The following DHX9 variants were observed in gnomAD, a reference collection of about 807,000 sequenced individuals.
DHX9 encodes the protein ATP-dependent RNA helicase A.
In DHX9, 27 loss-of-function variants were observed where a neutral mutation model predicts 148.7. The ratio of observed to expected loss-of-function variants is 0.18; its 90% CI spans 0.13 to 0.25. DHX9 has a LOEUF of 0.25. Ranked by LOEUF, DHX9 falls within the 10% of genes least tolerant of loss-of-function variation. The pLI is 1.00. For synonymous variants in DHX9, 529 were observed against 516.6 expected, an observed-to-expected ratio of 1.02 and a Z score of -0.33; for missense variants, 796 against 1,559.6, an observed-to-expected ratio of 0.51 and a Z score of 8.25.
intron 16 of DHX9, among the ~76,000 whole-genome samples, chr1:182,875,818 T>A (rs1487909944): frequency 6.6e-6 from 1 of 152,210 alleles, no homozygotes; most frequent in African/African-American, 2.4e-5. Flanking sequence ...AAGTTTGTGT[T>A]TGAATTTTAG....
intron 12 of DHX9, among the ~76,000 whole-genome samples, chr1:182,863,363 T>C (rs1648075215): frequency 6.6e-6 from 1 of 152,222 alleles, no homozygotes; most frequent in South Asian, 2.1e-4. Context: ...AAGATTTTAC[T>C]AGTATTCTGA....
chr1:182,843,514 T>C, intron 3 of DHX9, 80 bp downstream of exon 3: 1 of 1,295,228 alleles, frequency 7.7e-7, no homozygotes, highest in Non-Finnish European at 1.0e-6. Context: ...CTCAAGATAG[T>C]AATTTTTCAC....
intron 1 of DHX9, 144 bp downstream of exon 1, chr1:182,839,600 G>T (rs1039507433): frequency 6.6e-6 from 1 of 152,218 alleles, no homozygotes; most frequent in Non-Finnish European, 1.5e-5. Flanking sequence ...CCGCCCGCGG[G>T]TCCCCGGATT....
In DHX9 at chr1:182,850,158, T is replaced by G. The variant is rs369081499; in HGVS notation, c.253-2075T>G. 2.6e-5 allele frequency among the ~76,000 whole-genome samples: 4 copies of G among 152,094 alleles called. No individual in the cohort carries two copies. In the South Asian group the frequency reaches 6.2e-4, roughly 24 times the overall value. On this transcript the variant is annotated intron_variant, in intron 3 of 27. Coordinates refer to ENST00000367549, the MANE Select transcript of DHX9 (RefSeq NM_001357.5). Reference sequence around the variant, plus strand: ...TTGGTAGAGTGTGGAACCATATCCTTAAGTATTAAGTATTCATACATAATA... The same window carrying G: ...TTGGTAGAGTGTGGAACCATATCCTGAAGTATTAAGTATTCATACATAATA...
In DHX9 at chr1:182,842,551, A is replaced by G. The variant is rs1667952006; in HGVS notation, c.-16A>G. 12 of 1,596,576 alleles carry G rather than the reference A, an allele frequency of 7.5e-6. No homozygotes were observed. The highest frequency in any genetic ancestry group is 1.0e-5 in the Non-Finnish European group (12 of 1,166,780). ...CTGACTTTTGTTTTCTTAGATCTGA[A>G]GAAGACACTTGAATCATGGGTGACG... On this transcript the variant is annotated 5_prime_UTR_variant, in exon 2 of 28. Coordinates refer to ENST00000367549, the MANE Select transcript of DHX9 (RefSeq NM_001357.5).
chr1:182,884,175 G>A (rs1312846194), intron 26 of DHX9, among the ~76,000 whole-genome samples: 1 of 152,138 alleles, frequency 6.6e-6, no homozygotes, highest in African/African-American at 2.4e-5. Flanking sequence ...TCTGGAGGCT[G>A]AGGCAGGAGA....
intron 3 of DHX9, among the ~76,000 whole-genome samples, chr1:182,848,736 A>G (rs113007604): frequency 9.2e-5 from 14 of 152,354 alleles, no homozygotes; most frequent in African/African-American, 2.6e-4. Flanking sequence ...TTGGCTCACA[A>G]TTATGCAGGC....
chr1:182,848,708 TAAAGA>T (rs972636293), intron 3 of DHX9, among the ~76,000 whole-genome samples: 6 of 152,188 alleles, frequency 3.9e-5, no homozygotes, highest in Non-Finnish European at 7.3e-5. Flanking sequence ...GCATAATTTA[TAAAGA>T]AAAGAGATTT....
intron 3 of DHX9, among the ~76,000 whole-genome samples, chr1:182,850,067 C>G (rs1458641689): frequency 6.9e-6 from 1 of 145,170 alleles, no homozygotes; most frequent in East Asian, 2.2e-4. Context: ...TCTGTCTTCT[C>G]TGGCACTGGA....
At chr1:182,861,871 C>T (rs1668369521) in intron 12 of DHX9, among the ~76,000 whole-genome samples, 1 of 152,126 alleles carries the variant, frequency 6.6e-6, no homozygotes, top group South Asian at 2.1e-4. Context: ...ATTTTAAAAA[C>T]CTATATTGTG....
intron 3 of DHX9, among the ~76,000 whole-genome samples, chr1:182,851,242 T>C (rs1192563518): frequency 6.6e-6 from 1 of 152,126 alleles, no homozygotes; most frequent in Non-Finnish European, 1.5e-5. Context: ...TGTTGCTATA[T>C]ATATTGGCAG....
At chr1:182,876,948 T>C in intron 19 of DHX9, 45 bp downstream of exon 19, 1 of 1,412,880 alleles carries the variant, frequency 7.1e-7, no homozygotes. Context: ...TGTTACTAAC[T>C]GGAAACTTCT....
chr1:182,866,238 A>G (rs1387333386), intron 12 of DHX9, among the ~76,000 whole-genome samples: 1 of 152,194 alleles, frequency 6.6e-6, no homozygotes, highest in African/African-American at 2.4e-5. Context: ...GGCAATGACA[A>G]ATTATAGAAT....
At chr1:182,851,763 G>A (rs189398458) in intron 3 of DHX9, among the ~76,000 whole-genome samples, 220 of 152,238 alleles carry the variant, frequency 1.4e-3, no homozygotes, top group Admixed American at 3.7e-3. Context: ...TAGTACTAAT[G>A]ATCTTATAAG....
chr1:182,866,427 C>CT lies in DHX9; in HGVS notation c.1333-10dup, dbSNP rs756473582. On this transcript the variant is annotated splice_polypyrimidine_tract_variant and intron_variant, in intron 12 of 27. Coordinates refer to ENST00000367549, the MANE Select transcript of DHX9 (RefSeq NM_001357.5). ...ACTTTGTAGTTGTTAAGTCACTTTT[C>CT]TTTTTTTCTGTCTCAGCCCAGAAGA... 6.2e-7 allele frequency: 1 copy of CT among 1,610,432 alleles called. No homozygotes were observed. The highest frequency in any genetic ancestry group is 1.1e-5 in the South Asian group (1 of 90,394).
chr1:182,886,705 T>C (rs1367215137), intron 27 of DHX9, among the ~76,000 whole-genome samples: 2 of 152,242 alleles, frequency 1.3e-5, no homozygotes, highest in African/African-American at 2.4e-5. Flanking sequence ...TTCAAAATCA[T>C]ATTTCAGAAT....
chr1:182,882,147 A>G (rs193236483), intron 24 of DHX9, among the ~76,000 whole-genome samples: 1 of 152,352 alleles, frequency 6.6e-6, no homozygotes, highest in East Asian at 1.9e-4. Context: ...AACTAAACAA[A>G]GTAGTGAGTG....
intron 1 of DHX9, among the ~76,000 whole-genome samples, chr1:182,840,561 G>A (rs1265657292): frequency 1.3e-5 from 2 of 152,178 alleles, no homozygotes; most frequent in East Asian, 3.9e-4. Context: ...GCCTACCAAA[G>A]TGCTGGGATT....
chr1:182,871,409 T>A (rs2102612122), intron 14 of DHX9, among the ~76,000 whole-genome samples: 1 of 152,238 alleles, frequency 6.6e-6, no homozygotes, highest in East Asian at 1.9e-4. Context: ...CAGGATCCCT[T>A]ATCCACTGCT....
Sources: allele counts gnomAD v4.1 joint callset (sites outside exome capture counted in the v4.1 genomes callset), GRCh38; gene constraint gnomAD v4.1.1; transcripts MANE v1.5; gene names NCBI Gene and HGNC (gene_info 2026-07-23, HGNC 2026-07-21).